The following AIG1 variants were observed in gnomAD, a reference collection of about 807,000 sequenced individuals.
The protein encoded by AIG1 is androgen-induced gene 1 protein.
In AIG1, 23 loss-of-function variants were observed where a neutral mutation model predicts 31.4. That is an observed-to-expected ratio of 0.73 (90% CI 0.53 to 1.04). AIG1 has a LOEUF of 1.04. Among genes scored for constraint, AIG1 ranks in the 50% least tolerant of loss-of-function variants. AIG1 has a pLI of 0.00. For synonymous variants in AIG1, 100 were observed against 110.5 expected (o/e 0.90, Z 0.60); for missense variants, 274 against 295.0 (o/e 0.93, Z 0.52).
intron 3 of AIG1, among the ~76,000 whole-genome samples, chr6:143,237,737 T>G (rs1184004842): frequency 6.6e-5 from 10 of 152,238 alleles, no homozygotes; most frequent in Admixed American, 5.9e-4. Flanking sequence ...AAGAGCTGAG[T>G]CTGGGTTCAT....
intron 4 of AIG1, among the ~76,000 whole-genome samples, chr6:143,321,064 C>A (rs1379944886): frequency 6.6e-6 from 1 of 151,792 alleles, no homozygotes; most frequent in Non-Finnish European, 1.5e-5. Context: ...AGGTGATCCA[C>A]CCACCTTGGC....
At chr6:143,086,203 C>T (rs140136676) in intron 1 of AIG1, among the ~76,000 whole-genome samples, 1 of 152,160 alleles carries the variant, frequency 6.6e-6, no homozygotes, top group Non-Finnish European at 1.5e-5. Flanking sequence ...TCACTGTTTT[C>T]AGGCTACACC....
chr6:143,315,531 A>G (rs918494973), intron 4 of AIG1, among the ~76,000 whole-genome samples: 3 of 152,152 alleles, frequency 2.0e-5, no homozygotes, highest in African/African-American at 7.2e-5. Flanking sequence ...AATGTAGGCA[A>G]CTGATATTTG....
At position 143,268,339 on chromosome 6, in the gene AIG1, G is replaced by C. The variant is rs1796292439; in HGVS notation, c.400-15771G>C. Among the ~76,000 whole-genome samples, 1 of 152,168 alleles carries C rather than the reference G, an allele frequency of 6.6e-6. No individual in the cohort carries two copies. On this transcript the variant is annotated intron_variant, in intron 3 of 5. Transcript: ENST00000357847. The surrounding 1 kb of genome is among the most constrained non-coding windows in gnomAD (Gnocchi z 5.0). ...GTCTGTACGACTGGCATTGTTCCCT[G>C]AGCCTCGAGTCTACGGGGACCACAA...
At position 143,292,695 on chromosome 6, in the gene AIG1, G is replaced by T. The variant is rs892539058; in HGVS notation, c.515+8470G>T. Reference sequence around the variant, plus strand: ...AGTAGCAAGAAAAAAACGAATACTTGAACAAATCACTTAATCTCTATGGGC... The same window carrying T: ...AGTAGCAAGAAAAAAACGAATACTTTAACAAATCACTTAATCTCTATGGGC... On this transcript the variant is annotated intron_variant, in intron 4 of 5. Transcript: ENST00000357847. The surrounding 1 kb of genome is among the most constrained non-coding windows in gnomAD (Gnocchi z 4.9). 4.6e-5 allele frequency among the ~76,000 whole-genome samples: 7 copies of T among 152,270 alleles called. No individual in the cohort carries two copies. In the South Asian group the frequency reaches 1.5e-3, roughly 32 times the overall value.
chr6:143,313,088 C>T (rs1485977370), intron 4 of AIG1, among the ~76,000 whole-genome samples: 6 of 152,036 alleles, frequency 3.9e-5, no homozygotes, highest in African/African-American at 1.4e-4. Context: ...AAAAGGGAAC[C>T]CTTGTCCACT....
intron 1 of AIG1, among the ~76,000 whole-genome samples, chr6:143,119,979 G>A (rs1370003983): frequency 6.6e-6 from 1 of 152,100 alleles, no homozygotes. Flanking sequence ...GCCCAGGTTG[G>A]AGTGCAATGG....
chr6:143,182,580 C>G (rs142374652), intron 3 of AIG1, among the ~76,000 whole-genome samples: 1 of 152,152 alleles, frequency 6.6e-6, no homozygotes, highest in Non-Finnish European at 1.5e-5. Flanking sequence ...CCCCATACTC[C>G]CCACTCACTG....
intron 3 of AIG1, among the ~76,000 whole-genome samples, chr6:143,275,693 A>G (rs1796841326): frequency 6.6e-6 from 1 of 152,188 alleles, no homozygotes; most frequent in Admixed American, 6.5e-5. Flanking sequence ...GTCCACCATG[A>G]TATGAGATCT....
intron 3 of AIG1, among the ~76,000 whole-genome samples, chr6:143,253,073 A>T (rs73781131): frequency 0.012 from 1,825 of 152,308 alleles, 26 homozygotes; most frequent in African/African-American, 0.042. Context: ...TCTAGCCTAA[A>T]TGTAGAAGCG....
intron 3 of AIG1, among the ~76,000 whole-genome samples, chr6:143,206,232 T>G (rs1323555416): frequency 1.3e-5 from 2 of 152,250 alleles, no homozygotes; most frequent in African/African-American, 4.8e-5. Flanking sequence ...CTTTCCACAA[T>G]GCAGTGTTGA....
intron 3 of AIG1, chr6:143,187,645 G>T (rs1315717978): frequency 6.5e-7 from 1 of 1,536,100 alleles, no homozygotes; most frequent in Admixed American, 2.0e-5. Flanking sequence ...AAAGCTTAAA[G>T]TTTTCTTGGC....
upstream of AIG1, chr6:143,060,886 G>C (rs1334473493): frequency 7.2e-7 from 1 of 1,385,560 alleles, no homozygotes; most frequent in Non-Finnish European, 9.5e-7. Context: ...CCTCACGCCC[G>C]CCCTCCTTGC....
intron 5 of AIG1, 136 bp from the exon 6 acceptor site, chr6:143,339,503 G>A (rs1777753554): frequency 1.1e-5 from 9 of 785,294 alleles, no homozygotes; most frequent in Non-Finnish European, 1.6e-5. Flanking sequence ...GAGGGAATAG[G>A]GGGTGTGTCA....
chr6:143,329,397 T>C lies in AIG1; in HGVS notation c.516-3885T>C, dbSNP rs1191128760. 6.6e-6 allele frequency among the ~76,000 whole-genome samples: 1 copy of C among 152,224 alleles called. No individual in the cohort carries two copies. Among genetic ancestry groups the C allele is most frequent in the Non-Finnish European group, 1.5e-5 (1 of 68,038 alleles). On this transcript the variant is annotated intron_variant, in intron 4 of 5. Coordinates refer to ENST00000357847, the MANE Select transcript of AIG1 (RefSeq NM_016108.4). This position sits in a 1 kb window ranked among gnomAD's most constrained non-coding sequence, Gnocchi z 4.9. ...ACAAAGTAAAGGAGATTACATCTCA[T>C]GTTTATAAGCACCACACTCAGAAGA... is the stretch of plus-strand genomic sequence containing the variant.
intron 1 of AIG1, among the ~76,000 whole-genome samples, chr6:143,125,743 G>T (rs1449145829): frequency 6.6e-6 from 1 of 152,154 alleles, no homozygotes; most frequent in East Asian, 1.9e-4. Flanking sequence ...TGTTGTTCTT[G>T]CTACTTATAT....
intron 4 of AIG1, among the ~76,000 whole-genome samples, chr6:143,285,204 CTT>C (rs1375790860): frequency 6.6e-6 from 1 of 151,970 alleles, no homozygotes; most frequent in Admixed American, 6.5e-5. Context: ...ACCTGACACA[CTT>C]TGCATAAACA....
intron 2 of AIG1, among the ~76,000 whole-genome samples, chr6:143,143,528 A>AAACTATATATATATATATAT (rs1554249782): frequency 3.6e-5 from 1 of 27,784 alleles, no homozygotes; most frequent in Non-Finnish European, 7.9e-5. Context: ...AAAAAAAAAA[A>AAACTATATATATATATATAT]ATATATATAT....
Position 143,312,257 on chromosome 6 carries a change from A to G in AIG1, c.516-21025A>G, listed in dbSNP as rs7741748. Among the ~76,000 whole-genome samples, 436 of 152,272 alleles carry G rather than the reference A, an allele frequency of 2.9e-3. 3 individuals are homozygous for G. Among genetic ancestry groups the G allele is most frequent in the African/African-American group, 0.01 (423 of 41,574 alleles). ...CAAAAGACCCAGAATAGCTAAAGCT[A>G]TCTTGAGCAAAAAGAGCAGAACTGA... On this transcript the variant is annotated intron_variant, in intron 4 of 5. Coordinates refer to ENST00000357847, the MANE Select transcript of AIG1 (RefSeq NM_016108.4).
Sources: gnomAD v4.1 joint callset for allele counts (sites outside exome capture counted in the v4.1 genomes callset) on GRCh38, gnomAD v4.1.1 for gene constraint, Gnocchi (gnomAD v3.1) non-coding constraint, MANE v1.5 for transcripts, NCBI Gene and HGNC (gene_info 2026-07-23, HGNC 2026-07-21) for gene names.